THSD4: variants seen among roughly 807,000 people sequenced by gnomAD.
THSD4 encodes the protein thrombospondin type-1 domain-containing protein 4.
THSD4 carries 69 observed loss-of-function variants against 119.0 expected under a neutral mutation model. That is an observed-to-expected ratio of 0.58 (90% confidence interval 0.48 to 0.71). The LOEUF (loss-of-function observed/expected upper bound fraction) is 0.71. THSD4 is among the 30% of genes least tolerant of loss of function. The pLI, the probability that THSD4 is intolerant of heterozygous loss-of-function variation, is 0.00. For missense variants in THSD4, 1,393 were observed against 1,391.1 expected, an observed-to-expected ratio of 1.00 and a Z score of -0.02; for synonymous variants, 524 against 540.4, an observed-to-expected ratio of 0.97 and a Z score of 0.42.
At chr15:71,517,708 A>G (rs1027089391) in intron 7 of THSD4, among the ~76,000 whole-genome samples, 1 of 152,152 alleles carries the variant, frequency 6.6e-6, no homozygotes, top group African/African-American at 2.4e-5. Flanking sequence ...AACCATAACA[A>G]ACTAATTGCT....
At chr15:71,690,575 A>G (rs186390915) in intron 8 of THSD4, among the ~76,000 whole-genome samples, 5 of 152,290 alleles carry the variant, frequency 3.3e-5, no homozygotes, top group Admixed American at 2.0e-4. Context: ...GTTAAGTTAC[A>G]TGGTGTATTA....
intron 3 of THSD4, chr15:71,183,995 G>A (rs1596253425): frequency 6.6e-6 from 1 of 151,938 alleles, no homozygotes; most frequent in South Asian, 2.1e-4. Flanking sequence ...CGCCTGCAGA[G>A]GTGGCACTAT....
chr15:71,662,473 C>T (rs994209650), intron 8 of THSD4, among the ~76,000 whole-genome samples: 1 of 152,164 alleles, frequency 6.6e-6, no homozygotes, highest in South Asian at 2.1e-4. Flanking sequence ...GATCACATCT[C>T]CATAAACATC....
At chr15:71,775,230 T>C (rs551727556) in intron 17 of THSD4, among the ~76,000 whole-genome samples, 1 of 152,114 alleles carries the variant, frequency 6.6e-6, no homozygotes, top group South Asian at 2.1e-4. Flanking sequence ...TAGGACAAAA[T>C]ACAGACACCC....
chr15:71,537,969 A>G (rs1434480866), intron 7 of THSD4, among the ~76,000 whole-genome samples: 1 of 152,002 alleles, frequency 6.6e-6, no homozygotes, highest in Non-Finnish European at 1.5e-5. Context: ...CACCATGTTC[A>G]GGCTGGTCTT....
At chr15:71,368,800 A>C (rs2046003318) in intron 6 of THSD4, among the ~76,000 whole-genome samples, 1 of 152,170 alleles carries the variant, frequency 6.6e-6, no homozygotes, top group Admixed American at 6.5e-5. Flanking sequence ...ACTTTAAAGT[A>C]GTTTTTTCCA....
At chr15:71,472,823 CA>C (rs2047600507) in intron 7 of THSD4, among the ~76,000 whole-genome samples, 1 of 152,140 alleles carries the variant, frequency 6.6e-6, no homozygotes, top group African/African-American at 2.4e-5. Context: ...GTAAACTTTG[CA>C]TTGTAAATTT....
At chr15:71,586,281 C>T (rs545704380) in intron 7 of THSD4, among the ~76,000 whole-genome samples, 12 of 152,266 alleles carry the variant, frequency 7.9e-5, no homozygotes, top group African/African-American at 2.9e-4. Context: ...TGTCACACCC[C>T]TCAATATAAA....
At chr15:71,533,566 C>G (rs2048646889) in intron 7 of THSD4, among the ~76,000 whole-genome samples, 1 of 152,130 alleles carries the variant, frequency 6.6e-6, no homozygotes, top group African/African-American at 2.4e-5. Context: ...ATGAACAATA[C>G]CAAGATGAAA....
intron 8 of THSD4, among the ~76,000 whole-genome samples, chr15:71,724,288 T>TATATATATATATATATA (rs1491162842): frequency 6.0e-4 from 19 of 31,462 alleles, no homozygotes; most frequent in Middle Eastern, 0.018. Flanking sequence ...TATATATATA[T>TATATATATATATATATA]TTTTTTTTTC....
chr15:71,107,402 A>G (rs1404363241), intron 1 of THSD4, among the ~76,000 whole-genome samples: 1 of 152,156 alleles, frequency 6.6e-6, no homozygotes, highest in African/African-American at 2.4e-5. Context: ...AAAGAAAGAA[A>G]GAAAGCAAAA....
intron 17 of THSD4, among the ~76,000 whole-genome samples, chr15:71,771,522 G>T (rs2053823265): frequency 6.6e-6 from 1 of 152,158 alleles, no homozygotes; most frequent in Non-Finnish European, 1.5e-5. Flanking sequence ...TTAATTGTAG[G>T]TGCAAACCAG....
intron 7 of THSD4, among the ~76,000 whole-genome samples, chr15:71,622,413 A>G (rs534892000): frequency 6.6e-6 from 1 of 152,314 alleles, no homozygotes; most frequent in South Asian, 2.1e-4. Context: ...CCATGTCCCA[A>G]ATATTACTCA....
At chr15:71,353,019 G>A (rs1052305658) in intron 6 of THSD4, among the ~76,000 whole-genome samples, 5 of 152,164 alleles carry the variant, frequency 3.3e-5, no homozygotes, top group African/African-American at 9.7e-5. Flanking sequence ...GGCTATAAAG[G>A]CTTTCCAAGG....
chr15:71,713,781 T>A (rs2052557651), intron 8 of THSD4, among the ~76,000 whole-genome samples: 1 of 152,128 alleles, frequency 6.6e-6, no homozygotes, highest in African/African-American at 2.4e-5. Flanking sequence ...AATAATAGAT[T>A]AGAAATGATT....
At chr15:71,288,475 GCTT>G (rs202139567) in intron 6 of THSD4, among the ~76,000 whole-genome samples, 2,345 of 152,224 alleles carry the variant, frequency 0.015, 15 homozygotes, top group Middle Eastern at 0.024. Flanking sequence ...TGTCTAATGA[GCTT>G]CTAGGAACAA....
chr15:71,480,384 T>C (rs1349060518), intron 7 of THSD4, among the ~76,000 whole-genome samples: 1 of 152,214 alleles, frequency 6.6e-6, no homozygotes, highest in Non-Finnish European at 1.5e-5. Flanking sequence ...TATATAAATA[T>C]AGATCATTGT....
intron 7 of THSD4, among the ~76,000 whole-genome samples, chr15:71,561,388 A>G (rs2049114613): frequency 6.6e-6 from 1 of 152,198 alleles, no homozygotes; most frequent in Non-Finnish European, 1.5e-5. Flanking sequence ...AATGGCAGCT[A>G]TCACCATTAT....
chr15:71,219,060 T>C lies in THSD4; in HGVS notation c.464+3661T>C, dbSNP rs145726667. On this transcript the variant is annotated intron_variant, in intron 4 of 17. Coordinates refer to ENST00000261862, the MANE Select transcript of THSD4 (RefSeq NM_024817.3). Reference sequence around the variant, plus strand: ...AGAATCCGTTCTGCAAAATCAATCTTAGATGGAGGCTCAGTTTATGTAATA... The same window carrying C: ...AGAATCCGTTCTGCAAAATCAATCTCAGATGGAGGCTCAGTTTATGTAATA... 1.8e-3 allele frequency among the ~76,000 whole-genome samples: 271 copies of C among 152,266 alleles called. 1 individual carries two copies. The highest frequency in any genetic ancestry group is 6.3e-3 in the African/African-American group (263 of 41,538).
Sources: allele counts gnomAD v4.1 joint callset (sites outside exome capture counted in the v4.1 genomes callset), GRCh38; gene constraint gnomAD v4.1.1; transcripts MANE v1.5; gene names NCBI Gene and HGNC (gene_info 2026-07-23, HGNC 2026-07-21).